TEX36: variants seen among roughly 807,000 people sequenced by gnomAD.
TEX36 encodes the protein testis expressed 36.
TEX36 carries 12 observed loss-of-function variants against 13.6 expected under a neutral mutation model. The observed-to-expected ratio is 0.88, with a 90% CI of 0.56 to 1.43. TEX36 has a LOEUF of 1.43. Among genes scored for constraint, TEX36 ranks in the 40% most tolerant of loss-of-function variants. The pLI, the probability that TEX36 is intolerant of heterozygous loss-of-function variation, is 0.00. For missense variants in TEX36, 224 were observed against 228.3 expected (o/e 0.98, Z 0.12); for synonymous variants, 93 against 83.0 (o/e 1.12, Z -0.65).
chr10:125,600,757 A>G (rs1488422001), intron 3 of TEX36, among the ~76,000 whole-genome samples: 2 of 152,170 alleles, frequency 1.3e-5, no homozygotes, highest in African/African-American at 4.8e-5. Flanking sequence ...GTTTCTAAAT[A>G]TGACCCCCAC....
intron 3 of TEX36, among the ~76,000 whole-genome samples, chr10:125,636,287 G>C (rs563860240): frequency 3.3e-4 from 49 of 148,354 alleles, no homozygotes; most frequent in Non-Finnish European, 5.3e-4. Flanking sequence ...CTCACTGCAA[G>C]CTCCGCCTCC....
intron 3 of TEX36, among the ~76,000 whole-genome samples, chr10:125,633,574 C>A (rs1240627305): frequency 1.3e-5 from 2 of 152,206 alleles, no homozygotes; most frequent in Admixed American, 1.3e-4. Flanking sequence ...AGCGATTGTG[C>A]ACTTCCAGTC....
intron 1 of TEX36, among the ~76,000 whole-genome samples, chr10:125,672,349 C>G (rs57834154): frequency 0.034 from 5,173 of 152,202 alleles, 273 homozygotes; most frequent in African/African-American, 0.11. Flanking sequence ...TCATTGATTT[C>G]AAAGAACTAC....
intron 3 of TEX36, among the ~76,000 whole-genome samples, chr10:125,637,474 C>T (rs1846636303): frequency 6.6e-6 from 1 of 152,080 alleles, no homozygotes; most frequent in Non-Finnish European, 1.5e-5. Flanking sequence ...TTTCTTTATC[C>T]ATTCACCTGT....
Position 125,661,078 on chromosome 10 carries a change from G to A in TEX36, c.207C>T (p.Pro69=), listed in dbSNP as rs1177950719. 1.9e-6 allele frequency: 3 copies of A among 1,551,892 alleles called. No homozygotes were observed. In the African/African-American group the frequency reaches 4.1e-5, roughly 21 times the overall value. ...TGTGCCGATTGTCATGCACGGAGAA[G>A]GGGAACTGGTTATTCACTGCTTGCT... ...REKQAVNNQF[P]FSVHDNRHSL... Residue 69 remains proline, a synonymous_variant, in exon 3 of 4, where the codon CCC becomes CCT. Transcript: ENST00000368821.
downstream of TEX36, among the ~76,000 whole-genome samples, chr10:125,654,562 T>G (rs1283202838): frequency 5.3e-5 from 8 of 152,218 alleles, no homozygotes; most frequent in South Asian, 1.7e-3. Context: ...CTTTACAAGC[T>G]TATTCTAAAA....
intron 3 of TEX36, among the ~76,000 whole-genome samples, chr10:125,594,218 T>C (rs1178040899): frequency 2.6e-5 from 4 of 152,220 alleles, no homozygotes; most frequent in African/African-American, 9.7e-5. Context: ...GCCAACTGTC[T>C]TCTCGAATAA....
At chr10:125,612,984 C>A (rs961430195) in intron 3 of TEX36, among the ~76,000 whole-genome samples, 2 of 151,974 alleles carry the variant, frequency 1.3e-5, no homozygotes, top group African/African-American at 4.8e-5. Flanking sequence ...CAGCCACCCC[C>A]ACCAAAAGCC....
chr10:125,659,140 C>T (rs1423558183), intron 3 of TEX36, among the ~76,000 whole-genome samples: 1 of 152,052 alleles, frequency 6.6e-6, no homozygotes, highest in East Asian at 1.9e-4. Flanking sequence ...AAAAAATATA[C>T]CAAACCCAAG....
rs1029447283 is a variant in TEX36 at position 125,609,165 on chromosome 10, A to C, written c.265-32291T>G. 1.8e-4 allele frequency among the ~76,000 whole-genome samples: 10 copies of C among 54,442 alleles called. No individual in the cohort carries two copies. In the African/African-American group the frequency reaches 2.8e-3, roughly 15 times the overall value. The allele number at this position is 54,442 out of a possible 152,430, so 35.7% of individuals were successfully genotyped here. A position where few individuals can be genotyped will look rare whatever the true frequency, so the allele number is the denominator to read the frequency against. ...GGGAGACTCCATCTCAGGAAAAAAC[A>C]AAACAAAAAAAAAAAAACTTTTAAA... On this transcript the variant is annotated intron_variant, in intron 3 of 3. Transcript: ENST00000532135.
chr10:125,649,111 C>T (rs1367939248), intron 3 of TEX36, among the ~76,000 whole-genome samples: 1 of 152,174 alleles, frequency 6.6e-6, no homozygotes, highest in Non-Finnish European at 1.5e-5. Context: ...ACTTCCCCAA[C>T]CTAGTGAGGC....
intron 1 of TEX36, among the ~76,000 whole-genome samples, chr10:125,669,294 A>T (rs1023314559): frequency 5.3e-5 from 8 of 152,096 alleles, no homozygotes; most frequent in East Asian, 1.9e-4. Context: ...CATCTCAAAA[A>T]AAATAAATAA....
downstream of TEX36, among the ~76,000 whole-genome samples, chr10:125,617,270 C>A (rs556529331): frequency 1.2e-4 from 19 of 152,030 alleles, no homozygotes; most frequent in South Asian, 1.2e-3. Context: ...TTAATTGGAG[C>A]ATTTAGTCCA....
intron 3 of TEX36, among the ~76,000 whole-genome samples, chr10:125,599,468 G>C (rs1202536505): frequency 1.3e-5 from 2 of 152,068 alleles, no homozygotes; most frequent in Non-Finnish European, 2.9e-5. Context: ...TTTACTTTTG[G>C]TTTTGTTTTT....
At chr10:125,611,363 T>G (rs1183881644) in intron 3 of TEX36, among the ~76,000 whole-genome samples, 1 of 152,204 alleles carries the variant, frequency 6.6e-6, no homozygotes, top group Non-Finnish European at 1.5e-5. Context: ...TCCTCAACAT[T>G]TTAATACCTC....
chr10:125,609,249 G>A (rs918031775), intron 3 of TEX36, among the ~76,000 whole-genome samples: 3 of 152,110 alleles, frequency 2.0e-5, no homozygotes, highest in African/African-American at 7.2e-5. Flanking sequence ...GTGGAGTTGT[G>A]TGGTTGGTTG....
chr10:125,621,557 A>G, downstream of TEX36: 4 of 455,084 alleles, frequency 8.8e-6, no homozygotes, highest in Non-Finnish European at 1.8e-5. Context: ...CAGAACTAAT[A>G]GGATATATGT....
intron 3 of TEX36, among the ~76,000 whole-genome samples, chr10:125,616,246 A>G (rs1846357022): frequency 6.6e-6 from 1 of 152,008 alleles, no homozygotes; most frequent in African/African-American, 2.4e-5. Context: ...TCCTGGATTC[A>G]TTAATTTTTT....
chr10:125,670,103 A>G (rs1470794719), intron 1 of TEX36, among the ~76,000 whole-genome samples: 1 of 152,244 alleles, frequency 6.6e-6, no homozygotes, highest in Non-Finnish European at 1.5e-5. Context: ...TCCTTTGGGT[A>G]TATACCCAGT....
Sources: gnomAD v4.1 joint callset for allele counts (sites outside exome capture counted in the v4.1 genomes callset) on GRCh38, gnomAD v4.1.1 for gene constraint, MANE v1.5 for transcripts, NCBI Gene and HGNC (gene_info 2026-07-23, HGNC 2026-07-21) for gene names.